Variants in GNA12 observed in about 807,000 individuals in gnomAD.
GNA12 encodes G protein subunit alpha 12.
Under a neutral mutation model 26.0 loss-of-function variants are expected in GNA12, and 9 were observed. The ratio of observed to expected loss-of-function variants is 0.35; its 90% CI spans 0.21 to 0.60. GNA12 has a LOEUF of 0.60. Ranked by LOEUF, GNA12 falls within the 20% of genes least tolerant of loss-of-function variation. The pLI is 0.78. For missense variants in GNA12, 405 were observed against 525.8 expected (o/e 0.77, Z 2.25); for synonymous variants, 264 against 219.6 (o/e 1.20, Z -1.79).
chr7:2,834,527 A>C (rs185440629), intron 1 of GNA12, among the ~76,000 whole-genome samples: 1 of 152,222 alleles, frequency 6.6e-6, no homozygotes, highest in African/African-American at 2.4e-5. Flanking sequence ...ACCTAGCACA[A>C]TGCCGTGGAG....
At chr7:2,792,525 T>C (rs1440402271) in intron 2 of GNA12, among the ~76,000 whole-genome samples, 2 of 152,252 alleles carry the variant, frequency 1.3e-5, no homozygotes, top group Non-Finnish European at 1.5e-5. Context: ...CAGACACTTC[T>C]GCTTCCTTCT....
In GNA12 at chr7:2,812,055, G is replaced by A. The variant is rs149772063; in HGVS notation, c.310-16912C>T. 1.1e-4 allele frequency among the ~76,000 whole-genome samples: 17 copies of A among 152,350 alleles called. No individual in the cohort carries two copies. The South Asian group carries it at 2.1e-3, about 19-fold the overall frequency. On this transcript the variant is annotated intron_variant, in intron 1 of 3. Transcript: ENST00000275364. ...GTACTCAAGAGAACCCGCGTTTCAC[G>A]CGACTCCTCTCCAAAAACCTGAAAA...
At chr7:2,801,483 G>A (rs966258813) in intron 1 of GNA12, among the ~76,000 whole-genome samples, 2 of 152,072 alleles carry the variant, frequency 1.3e-5, no homozygotes, top group Non-Finnish European at 2.9e-5. Flanking sequence ...ACGCAAAACT[G>A]GCCCATGCAA....
chr7:2,814,333 G>A (rs769151663), intron 1 of GNA12: 8 of 1,592,852 alleles, frequency 5.0e-6, no homozygotes, highest in Middle Eastern at 1.7e-4. Flanking sequence ...GGTGTGCAAT[G>A]AGTAGGTGCT....
intron 2 of GNA12, among the ~76,000 whole-genome samples, chr7:2,748,584 C>G (rs1790878050): frequency 6.6e-6 from 1 of 152,066 alleles, no homozygotes; most frequent in African/African-American, 2.4e-5. Context: ...CAATACCATT[C>G]AGGACATAGG....
At chr7:2,840,561 T>C (rs140170331) in intron 1 of GNA12, among the ~76,000 whole-genome samples, 85 of 152,268 alleles carry the variant, frequency 5.6e-4, no homozygotes, top group African/African-American at 2.0e-3. Context: ...AGCAATTTAT[T>C]TAAAGTCCCT....
chr7:2,831,443 G>C (rs1008303002), intron 1 of GNA12, among the ~76,000 whole-genome samples: 1 of 124,820 alleles, frequency 8.0e-6, no homozygotes, highest in Non-Finnish European at 1.7e-5. Context: ...TCACTCTGTC[G>C]CCCAGGCTGG....
At chr7:2,833,769 T>C (rs997496463) in intron 1 of GNA12, among the ~76,000 whole-genome samples, 15 of 152,104 alleles carry the variant, frequency 9.9e-5, no homozygotes, top group Non-Finnish European at 1.9e-4. Context: ...AGCAGATGTA[T>C]GCTTCTGCCG....
intron 2 of GNA12, among the ~76,000 whole-genome samples, chr7:2,749,526 G>A (rs1174521703): frequency 6.7e-6 from 1 of 149,042 alleles, no homozygotes; most frequent in Non-Finnish European, 1.5e-5. Context: ...TAGGGGGAGG[G>A]GGGAGGGATA....
chr7:2,762,572 T>C, intron 2 of GNA12: 1 of 1,468,704 alleles, frequency 6.8e-7, no homozygotes, highest in Non-Finnish European at 9.1e-7. Flanking sequence ...TGACATTTCC[T>C]GAAAATTACA....
intron 1 of GNA12, among the ~76,000 whole-genome samples, chr7:2,839,300 G>GT (rs1335184778): frequency 2.0e-5 from 3 of 151,956 alleles, no homozygotes; most frequent in Non-Finnish European, 4.4e-5. Flanking sequence ...GTGGCACGAT[G>GT]TTGGCTCACT....
At chr7:2,744,766 T>A (rs770908348) in intron 2 of GNA12, among the ~76,000 whole-genome samples, 4 of 152,062 alleles carry the variant, frequency 2.6e-5, no homozygotes, top group Middle Eastern at 3.4e-3. Flanking sequence ...AGTTAAAAAC[T>A]TTGAAAAAAA....
intron 2 of GNA12, among the ~76,000 whole-genome samples, chr7:2,757,101 T>C (rs184266595): frequency 6.7e-6 from 1 of 149,696 alleles, no homozygotes; most frequent in African/African-American, 2.5e-5. Context: ...GGAGGTGACC[T>C]TGGCAGGCCC....
chr7:2,736,533 G>C (rs1010009056), intron 2 of GNA12, among the ~76,000 whole-genome samples: 1 of 152,188 alleles, frequency 6.6e-6, no homozygotes, highest in African/African-American at 2.4e-5. Context: ...AGTGAAAGAG[G>C]GGTTGTCTGT....
At chr7:2,796,216 C>A (rs187430320) in intron 1 of GNA12, among the ~76,000 whole-genome samples, 1 of 152,130 alleles carries the variant, frequency 6.6e-6, no homozygotes, top group Non-Finnish European at 1.5e-5. Flanking sequence ...GATGTCTGAA[C>A]GGTACCAAGC....
intron 2 of GNA12, among the ~76,000 whole-genome samples, chr7:2,745,209 C>A (rs1000618292): frequency 2.6e-5 from 4 of 152,144 alleles, no homozygotes; most frequent in Non-Finnish European, 5.9e-5. Flanking sequence ...CTCCAAGACA[C>A]ATAATTGTCA....
intron 2 of GNA12, among the ~76,000 whole-genome samples, chr7:2,745,785 C>G (rs1243361777): frequency 2.0e-5 from 3 of 152,106 alleles, no homozygotes; most frequent in Admixed American, 2.0e-4. Flanking sequence ...ATCTCACGTG[C>G]AGAGACACAC....
chr7:2,737,568 C>T (rs1408843152), intron 2 of GNA12, among the ~76,000 whole-genome samples: 3 of 152,066 alleles, frequency 2.0e-5, no homozygotes, highest in Admixed American at 6.6e-5. Flanking sequence ...GGATTACAGG[C>T]GTGAGCCACA....
Position 2,774,247 on chromosome 7 carries a change from G to A in GNA12, c.525+20681C>T, listed in dbSNP as rs568433191. On this transcript the variant is annotated intron_variant, in intron 2 of 3. Transcript: ENST00000275364. ...CACTTTTATTTCTATACATGTATAT[G>A]CATATATACACACATGCATGCATAT... 4.6e-5 allele frequency among the ~76,000 whole-genome samples: 7 copies of A among 152,178 alleles called. No individual in the cohort carries two copies. The East Asian group carries it at 1.4e-3, about 29-fold the overall frequency.
Sources: gnomAD v4.1 joint callset for allele counts (sites outside exome capture counted in the v4.1 genomes callset) on GRCh38, gnomAD v4.1.1 for gene constraint, MANE v1.5 for transcripts, NCBI Gene and HGNC (gene_info 2026-07-23, HGNC 2026-07-21) for gene names.